The following TNRC6C variants were observed in gnomAD, a reference collection of about 807,000 sequenced individuals.
TNRC6C encodes trinucleotide repeat-containing gene 6C protein.
A neutral mutation model predicts 153.7 loss-of-function variants in TNRC6C; 20 were observed. The observed-to-expected ratio is 0.13, with a 90% CI of 0.09 to 0.19. TNRC6C has a LOEUF of 0.19. TNRC6C is among the 10% of genes least tolerant of loss of function. The pLI, the probability that TNRC6C is intolerant of heterozygous loss-of-function variation, is 1.00. For missense variants in TNRC6C, 1,987 were observed against 2,172.0 expected (o/e 0.91, Z 1.69); for synonymous variants, 811 against 841.4 (o/e 0.96, Z 0.63).
intron 1 of TNRC6C, among the ~76,000 whole-genome samples, chr17:78,005,316 A>G (rs376659597): frequency 2.6e-5 from 4 of 152,158 alleles, no homozygotes; most frequent in Admixed American, 2.0e-4. Context: ...TTTCCAAACA[A>G]TGCTTTTAAA....
At chr17:78,085,213 T>A (rs1249109536) in intron 11 of TNRC6C, among the ~76,000 whole-genome samples, 1 of 152,206 alleles carries the variant, frequency 6.6e-6, no homozygotes, top group African/African-American at 2.4e-5. Flanking sequence ...TGTGCTAGAA[T>A]CTTTTAGTTA....
intron 1 of TNRC6C, among the ~76,000 whole-genome samples, chr17:77,959,971 C>T (rs1364444143): frequency 2.0e-5 from 3 of 152,096 alleles, no homozygotes; most frequent in African/African-American, 4.8e-5. Context: ...TGCCTGTTAA[C>T]CTGGGGAAGA....
chr17:77,958,419 A>G (rs1251324197), upstream of TNRC6C, among the ~76,000 whole-genome samples: 1 of 150,818 alleles, frequency 6.6e-6, no homozygotes, highest in Non-Finnish European at 1.5e-5. Flanking sequence ...CACCGCTCGC[A>G]CCCCGGCGCG....
intron 2 of TNRC6C, among the ~76,000 whole-genome samples, chr17:78,046,119 C>T (rs935499690): frequency 3.3e-5 from 5 of 151,412 alleles, no homozygotes; most frequent in African/African-American, 4.8e-5. Flanking sequence ...TTCTAAATTG[C>T]CTGTTCCTAT....
intron 1 of TNRC6C, among the ~76,000 whole-genome samples, chr17:77,989,986 C>T (rs2143058314): frequency 6.6e-6 from 1 of 152,262 alleles, no homozygotes; most frequent in East Asian, 1.9e-4. Flanking sequence ...ATTCAGCTCC[C>T]TTCCCCAGTT....
chr17:77,991,514 G>C (rs936895767), intron 1 of TNRC6C, among the ~76,000 whole-genome samples: 1 of 152,088 alleles, frequency 6.6e-6, no homozygotes, highest in Non-Finnish European at 1.5e-5. Context: ...GAAATAATAC[G>C]TAAACTTCCA....
At chr17:78,070,353 G>C (rs923571185) in intron 5 of TNRC6C, among the ~76,000 whole-genome samples, 17 of 152,200 alleles carry the variant, frequency 1.1e-4, no homozygotes, top group African/African-American at 3.9e-4. Context: ...GCTGTGGCAG[G>C]CTCAATTGTG....
intron 1 of TNRC6C, among the ~76,000 whole-genome samples, chr17:77,994,730 A>G (rs898983540): frequency 3.9e-5 from 6 of 152,152 alleles, no homozygotes; most frequent in African/African-American, 1.4e-4. Flanking sequence ...GAACACAGAA[A>G]TACCATGAAG....
intron 1 of TNRC6C, among the ~76,000 whole-genome samples, chr17:78,009,187 G>A (rs1447351540): frequency 6.6e-6 from 1 of 152,174 alleles, no homozygotes; most frequent in African/African-American, 2.4e-5. Flanking sequence ...AGTAACTGGG[G>A]TCCAAGTGTC....
chr17:77,988,094 G>A (rs2071197572), intron 1 of TNRC6C, among the ~76,000 whole-genome samples: 1 of 151,524 alleles, frequency 6.6e-6, no homozygotes, highest in African/African-American at 2.4e-5. Flanking sequence ...GCTCATGCCT[G>A]TAATTCCAGC....
At chr17:77,982,044 CA>C (rs1306591948) in intron 1 of TNRC6C, among the ~76,000 whole-genome samples, 2 of 152,018 alleles carry the variant, frequency 1.3e-5, no homozygotes, top group African/African-American at 4.8e-5. Flanking sequence ...GGATTAGAGA[CA>C]CAGAGTTCTT....
rs578090630 is a variant in TNRC6C at position 78,011,306 on chromosome 17, T to G, written c.-546+6227T>G. The stretch of plus-strand genomic sequence containing the variant: ...ATGACACCCATCATCCCTGAAGGTG[T>G]CCTTGTGACCTTTTCTGATCCATCT... On this transcript the variant is annotated intron_variant, in intron 1 of 19. Coordinates refer to ENST00000301624, the Ensembl canonical transcript of TNRC6C. Among the ~76,000 whole-genome samples the G allele has an allele frequency of 4.9e-4, 75 of 152,304 alleles. No homozygotes were observed. In the South Asian group the frequency reaches 0.015, roughly 30 times the overall value.
intron 17 of TNRC6C, among the ~76,000 whole-genome samples, chr17:78,099,412 T>G (rs2073547746): frequency 6.6e-6 from 1 of 152,192 alleles, no homozygotes; most frequent in Non-Finnish European, 1.5e-5. Context: ...TTATTGGACT[T>G]ACAGTTCCAT....
chr17:78,028,108 C>G (rs1159040149), intron 1 of TNRC6C, among the ~76,000 whole-genome samples: 1 of 152,080 alleles, frequency 6.6e-6, no homozygotes, highest in African/African-American at 2.4e-5. Context: ...CCGTGTTAGT[C>G]AGGATGGTCT....
At chr17:78,045,947 C>G (rs1251950115) in intron 2 of TNRC6C, among the ~76,000 whole-genome samples, 2 of 151,982 alleles carry the variant, frequency 1.3e-5, no homozygotes, top group East Asian at 3.9e-4. Flanking sequence ...GTATCATCCT[C>G]TAACCCCATT....
intron 5 of TNRC6C, among the ~76,000 whole-genome samples, chr17:78,068,655 G>A (rs1041784452): frequency 6.6e-6 from 1 of 152,146 alleles, no homozygotes; most frequent in African/African-American, 2.4e-5. Flanking sequence ...CTAGCTGGGC[G>A]TGGTGGTGGG....
rs778795031 is a variant in TNRC6C, at chr17:78,025,443, C to T, written c.-545-6073C>T. 1.1e-3 allele frequency among the ~76,000 whole-genome samples: 163 copies of T among 152,156 alleles called. 1 individual carries two copies. The highest frequency in any genetic ancestry group is 7.9e-4 in the Non-Finnish European group (54 of 68,030). ...CTTGATAACTAATTTTTTTAAATCA[C>T]GTAATGTTCCATTGTCTGAATGCAC... On this transcript the variant is annotated intron_variant, in intron 1 of 19. Transcript: ENST00000301624.
chr17:77,958,422 C>A (rs1340685576), upstream of TNRC6C, among the ~76,000 whole-genome samples: 3 of 151,846 alleles, frequency 2.0e-5, no homozygotes, highest in Non-Finnish European at 4.4e-5. Context: ...CGCTCGCACC[C>A]CGGCGCGCTC....
In TNRC6C at chr17:78,079,896, C is replaced by T. The variant is rs2073148662; in HGVS notation, c.3357+355C>T. 1.3e-5 allele frequency among the ~76,000 whole-genome samples: 2 copies of T among 152,074 alleles called. 1 individual carries two copies. Among genetic ancestry groups the T allele is most frequent in the South Asian group, 4.2e-4 (2 of 4,812 alleles). ...TGTCGAGAAAATTATTCAGGTGAAC[C>T]CAGTGAACTGTCCTAGATTGGTGGG... On this transcript the variant is annotated intron_variant, in intron 10 of 19. Coordinates refer to ENST00000301624, the Ensembl canonical transcript of TNRC6C. This position sits in a 1 kb window ranked among gnomAD's most constrained non-coding sequence, Gnocchi z 4.3.
Sources: allele counts gnomAD v4.1 joint callset (sites outside exome capture counted in the v4.1 genomes callset), GRCh38; gene constraint gnomAD v4.1.1; non-coding constraint Gnocchi (gnomAD v3.1); transcripts MANE v1.5; gene names NCBI Gene and HGNC (gene_info 2026-07-23, HGNC 2026-07-21).